Variants in TLN2 observed in about 807,000 individuals in gnomAD.
The protein encoded by TLN2 is talin 2, also known as talin-2.
Under a neutral mutation model 294.7 loss-of-function variants are expected in TLN2, and 118 were observed. The observed-to-expected ratio is 0.40, with a 90% confidence interval of 0.34 to 0.47. The LOEUF is 0.47. TLN2 is among the 20% of genes least tolerant of loss of function. The pLI is 0.84. For synonymous variants in TLN2, 1,431 were observed against 1,304.5 expected, an observed-to-expected ratio of 1.10 and a Z score of -2.09; for missense variants, 3,083 against 3,282.2, an observed-to-expected ratio of 0.94 and a Z score of 1.48.
chr15:62,465,425 C>T (rs534773753), intron 1 of TLN2, among the ~76,000 whole-genome samples: 21 of 152,184 alleles, frequency 1.4e-4, no homozygotes, highest in South Asian at 6.2e-4. Context: ...CAGTGAAAAC[C>T]GTAATCCTCT....
Position 62,427,172 on chromosome 15 carries a change from G to C in TLN2, c.-238+36487G>C, listed in dbSNP as rs562953666. Among the ~76,000 whole-genome samples, 14 of 152,196 alleles carry C rather than the reference G, an allele frequency of 9.2e-5. No individual in the cohort carries two copies. In the East Asian group the frequency reaches 2.7e-3, roughly 29 times the overall value. ...GGGAGGGTGTGCATGTTGATTTTGA[G>C]GTCTTTCTCTGCATGATATCCCTCT... On this transcript the variant is annotated intron_variant, in intron 1 of 58. Coordinates refer to ENST00000636159, the MANE Select transcript of TLN2 (RefSeq NM_015059.3).
At chr15:62,828,107 CA>C (rs1346775631) in intron 54 of TLN2, 1 of 152,304 alleles carries the variant, frequency 6.6e-6, no homozygotes, top group African/African-American at 2.4e-5. Context: ...AACTGGGAAA[CA>C]GGGGAAGGGA....
At chr15:62,576,928 C>T (rs909596735) in intron 1 of TLN2, among the ~76,000 whole-genome samples, 1 of 151,974 alleles carries the variant, frequency 6.6e-6, no homozygotes, top group Non-Finnish European at 1.5e-5. Flanking sequence ...CTGGTTTTAG[C>T]CCCAGGGAGT....
At chr15:62,730,747 T>C (rs1052261712) in intron 28 of TLN2, among the ~76,000 whole-genome samples, 3 of 152,306 alleles carry the variant, frequency 2.0e-5, no homozygotes, top group Admixed American at 6.5e-5. Context: ...CCCCTTTCCT[T>C]GCTTTTTGAG....
intron 21 of TLN2, 98 bp downstream of exon 21, chr15:62,708,894 GC>G: frequency 2.1e-6 from 3 of 1,401,890 alleles, no homozygotes; most frequent in Non-Finnish European, 2.8e-6. Context: ...TGGATGACTG[GC>G]AAGGGCAAGT....
intron 1 of TLN2, among the ~76,000 whole-genome samples, chr15:62,434,257 C>T (rs1323274599): frequency 2.0e-5 from 3 of 152,060 alleles, no homozygotes; most frequent in Non-Finnish European, 2.9e-5. Flanking sequence ...GACTCCCTTC[C>T]CCTCTGAATA....
chr15:62,702,288 T>C (rs2058765056), intron 18 of TLN2, 88 bp downstream of exon 18: 3 of 1,394,814 alleles, frequency 2.2e-6, no homozygotes, highest in Non-Finnish European at 2.9e-6. Context: ...TCCCGAGCTG[T>C]TCCTTGCGTC....
chr15:62,648,213 G>T (rs1329555789), intron 4 of TLN2, among the ~76,000 whole-genome samples: 1 of 152,040 alleles, frequency 6.6e-6, no homozygotes, highest in Non-Finnish European at 1.5e-5. Flanking sequence ...TTGAACCCAG[G>T]AGTTAGAGAC....
intron 1 of TLN2, among the ~76,000 whole-genome samples, chr15:62,491,351 T>TACATAC (rs1555416701): frequency 1.0e-5 from 1 of 100,296 alleles, no homozygotes; most frequent in African/African-American, 4.4e-5. Flanking sequence ...TATATATATA[T>TACATAC]ACACACACAC....
At chr15:62,593,286 C>T (rs2046228116) in intron 2 of TLN2, among the ~76,000 whole-genome samples, 1 of 152,242 alleles carries the variant, frequency 6.6e-6, no homozygotes, top group Non-Finnish European at 1.5e-5. Flanking sequence ...GGTCTCCCAC[C>T]TGCAGGCTCC....
intron 1 of TLN2, among the ~76,000 whole-genome samples, chr15:62,526,294 TAA>T (rs967050533): frequency 6.6e-6 from 1 of 152,150 alleles, no homozygotes; most frequent in Non-Finnish European, 1.5e-5. Context: ...CATGCCTGGC[TAA>T]GTTTTGTATT....
At chr15:62,487,500 T>C (rs1210656296) in intron 1 of TLN2, among the ~76,000 whole-genome samples, 1 of 152,178 alleles carries the variant, frequency 6.6e-6, no homozygotes, top group Non-Finnish European at 1.5e-5. Context: ...CATTTGACCT[T>C]GCTGACCCGC....
intron 1 of TLN2, among the ~76,000 whole-genome samples, chr15:62,504,952 T>TTTG (rs35153560): frequency 0.13 from 20,125 of 151,322 alleles, 1,798 homozygotes; most frequent in African/African-American, 0.25. Flanking sequence ...GAAACATGTT[T>TTTG]TTGTTGTTGT....
chr15:62,676,389 T>G (rs961973293), intron 11 of TLN2, among the ~76,000 whole-genome samples: 28 of 152,334 alleles, frequency 1.8e-4, no homozygotes, highest in Non-Finnish European at 2.4e-4. Flanking sequence ...AACGTATACA[T>G]CAGTCACCTT....
At chr15:62,666,115 T>G (rs8024074) in intron 9 of TLN2, among the ~76,000 whole-genome samples, 5,090 of 152,274 alleles carry the variant, frequency 0.033, 268 homozygotes, top group African/African-American at 0.11. Context: ...GTCTCTGAGT[T>G]CCTGGGCAGT....
chr15:62,420,441 G>C (rs2034323714), intron 1 of TLN2, among the ~76,000 whole-genome samples: 1 of 151,824 alleles, frequency 6.6e-6, no homozygotes, highest in Non-Finnish European at 1.5e-5. Context: ...CTGTCACCCA[G>C]GCTGGAGTAC....
chr15:62,475,312 G>C (rs981248572), intron 1 of TLN2, among the ~76,000 whole-genome samples: 1 of 152,134 alleles, frequency 6.6e-6, no homozygotes. Context: ...CAGAATTTTG[G>C]AATTTTCTAG....
At chr15:62,668,891 CAA>C (rs2140992566) in intron 9 of TLN2, among the ~76,000 whole-genome samples, 1 of 152,232 alleles carries the variant, frequency 6.6e-6, no homozygotes, top group Non-Finnish European at 1.5e-5. Context: ...TTGGATAATC[CAA>C]AAAGTCATTT....
At chr15:62,611,969 C>T (rs1322669577) in intron 2 of TLN2, among the ~76,000 whole-genome samples, 1 of 152,154 alleles carries the variant, frequency 6.6e-6, no homozygotes, top group Non-Finnish European at 1.5e-5. Flanking sequence ...TGTATAATTA[C>T]TATATGAGAG....
Sources: allele counts gnomAD v4.1 joint callset (sites outside exome capture counted in the v4.1 genomes callset), GRCh38; gene constraint gnomAD v4.1.1; transcripts MANE v1.5; gene names NCBI Gene and HGNC (gene_info 2026-07-23, HGNC 2026-07-21).